The following FANCI variants were observed in gnomAD, a reference collection of about 807,000 sequenced individuals.
The protein encoded by FANCI is Fanconi anemia group I protein.
Under a neutral mutation model 176.1 loss-of-function variants are expected in FANCI, and 156 were observed. The observed-to-expected ratio is 0.89, with a 90% CI of 0.78 to 1.01. The LOEUF is 1.01. FANCI is among the 50% of genes least tolerant of loss of function. The pLI, the probability that FANCI is intolerant of heterozygous loss-of-function variation, is 0.00. For synonymous variants in FANCI, 613 were observed against 541.7 expected, an observed-to-expected ratio of 1.13 and a Z score of -1.83; for missense variants, 1,678 against 1,534.1, an observed-to-expected ratio of 1.09 and a Z score of -1.57.
At chr15:89,313,973 T>A (rs370736175) in intron 35 of FANCI, among the ~76,000 whole-genome samples, 502 of 97,742 alleles carry the variant, frequency 5.1e-3, no homozygotes, top group African/African-American at 7.4e-3. Flanking sequence ...AGATATATAA[T>A]CACACACACA....
chr15:89,250,077 G>A (rs2052170878), intron 2 of FANCI, among the ~76,000 whole-genome samples: 1 of 152,114 alleles, frequency 6.6e-6, no homozygotes, highest in Non-Finnish European at 1.5e-5. Context: ...AAAAAGCAAA[G>A]ACACTTTTAC....
intron 20 of FANCI, 49 bp from the exon 21 acceptor site, chr15:89,292,639 T>C: frequency 6.4e-7 from 1 of 1,567,674 alleles, no homozygotes; most frequent in Non-Finnish European, 8.7e-7. Flanking sequence ...ACTTTATAAG[T>C]TATCCATCAA....
At chr15:89,285,255 C>T in intron 18 of FANCI, 37 bp downstream of exon 18, 1 of 1,611,422 alleles carries the variant, frequency 6.2e-7, no homozygotes, top group Non-Finnish European at 8.5e-7. Flanking sequence ...AGCAAAACCC[C>T]AACTAATAAT....
chr15:89,266,538 A>G (rs1315951140), intron 9 of FANCI, among the ~76,000 whole-genome samples: 1 of 151,990 alleles, frequency 6.6e-6, no homozygotes, highest in African/African-American at 2.4e-5. Flanking sequence ...CATATTGGCC[A>G]GGCTGGTCTC....
At chr15:89,269,860 G>T (rs2053131847) in intron 10 of FANCI, among the ~76,000 whole-genome samples, 1 of 151,228 alleles carries the variant, frequency 6.6e-6, no homozygotes, top group South Asian at 2.1e-4. Flanking sequence ...ACCCAAGCTA[G>T]AGTGCCGTGG....
At chr15:89,254,625 G>A (rs573238846) in intron 2 of FANCI, among the ~76,000 whole-genome samples, 14 of 152,134 alleles carry the variant, frequency 9.2e-5, no homozygotes, top group Admixed American at 3.9e-4. Flanking sequence ...ACAACATAGT[G>A]AGAACCCACC....
intron 16 of FANCI, chr15:89,282,884 A>G (rs2053669105): frequency 2.1e-6 from 1 of 478,060 alleles, no homozygotes; most frequent in African/African-American, 2.0e-5. Flanking sequence ...CCTCACATAG[A>G]CTTGAGAGCA....
Position 89,300,367 on chromosome 15 carries a change from C to A in FANCI, c.2871C>A (p.Phe957Leu). 6.2e-7 allele frequency: 1 copy of A among 1,613,864 alleles called. No homozygotes were observed. Among genetic ancestry groups the A allele is most frequent in the Non-Finnish European group, 8.5e-7 (1 of 1,179,818 alleles). The change falls in exon 26 of 38, where the codon TTC becomes TTA. Residue 957 changes from phenylalanine (F) to leucine (L), a missense_variant. By Grantham distance (22) the Phe-to-Leu change is conservative. Around this residue, in one of 3 missense-constraint regions of FANCI, gnomAD observed 1,204 missense variants for 1,077.4 expected, o/e 1.12. Coordinates refer to ENST00000310775, the MANE Select transcript of FANCI (RefSeq NM_001113378.2). ...ADVSVTQRTA[F>L]QIRQFQRSLL... ...TCAGTGTCACTCAGAGAACAGCATT[C>A]CAGATCCGGCAATTTCAGGTGAGAA...
At chr15:89,277,072 C>T (rs1335793837) in intron 13 of FANCI, among the ~76,000 whole-genome samples, 181 bp downstream of exon 13, 1 of 152,204 alleles carries the variant, frequency 6.6e-6, no homozygotes, top group Non-Finnish European at 1.5e-5. Flanking sequence ...GGAATACTTA[C>T]TTACGTATTC....
intron 10 of FANCI, among the ~76,000 whole-genome samples, chr15:89,270,266 T>C (rs2053150272): frequency 6.6e-6 from 1 of 152,220 alleles, no homozygotes; most frequent in African/African-American, 2.4e-5. Context: ...AGGAACATAG[T>C]ATTAGCTACC....
At chr15:89,302,827 C>A (rs1357690515) in intron 27 of FANCI, among the ~76,000 whole-genome samples, 1 of 152,166 alleles carries the variant, frequency 6.6e-6, no homozygotes, top group Non-Finnish European at 1.5e-5. Context: ...CCCGCCTCGG[C>A]CTCCCAAAGT....
chr15:89,293,979 T>G lies in FANCI; in HGVS notation c.2438T>G (p.Leu813Arg). Residue 813 changes from leucine (L) to arginine (R), a missense_variant, in exon 23 of 38, where the codon CTT (leucine) becomes CGT (arginine). Physicochemically the swap from Leu to Arg is moderately radical, Grantham distance 102 (BLOSUM62 -2). This residue lies in a region of FANCI where 1,204 missense variants were observed against 1,077.4 expected (regional missense o/e 1.12). Transcript: ENST00000310775. ...TTGTCCATGAAATTTGTGTCCAGTC[T>G]TCTCACTGCTCTTTTCAGGTAAGGT... is the stretch of plus-strand genomic sequence containing the variant. ...SLLSMKFVSS[L>R]LTALFRDSIQ... 1 of 1,614,210 alleles carries G rather than the reference T, an allele frequency of 6.2e-7. No homozygotes were observed. Among genetic ancestry groups the G allele is most frequent in the Non-Finnish European group, 8.5e-7 (1 of 1,180,038 alleles).
intron 1 of FANCI, among the ~76,000 whole-genome samples, chr15:89,246,240 T>G (rs1339605135): frequency 2.0e-5 from 3 of 152,200 alleles, no homozygotes; most frequent in Non-Finnish European, 4.4e-5. Flanking sequence ...TCCCATCTTT[T>G]CTGTTCTCCA....
chr15:89,283,462 C>G (rs1438947942), intron 17 of FANCI, among the ~76,000 whole-genome samples: 4 of 152,112 alleles, frequency 2.6e-5, no homozygotes, highest in Admixed American at 6.6e-5. Flanking sequence ...ACTGTGCTAT[C>G]CAGTATGGTA....
chr15:89,290,289 A>G lies in FANCI; in HGVS notation c.1890+8A>G, dbSNP rs2054010809. 2 of 1,606,530 alleles carry G rather than the reference A, an allele frequency of 1.2e-6. No individual in the cohort carries two copies. The highest frequency in any genetic ancestry group is 1.3e-5 in the African/African-American group (1 of 74,940). ...CAAACTCTGCTCTCACAGGTAAAAT[A>G]CATTTTTATGGATATATGGAAAACA... On this transcript the variant is annotated splice_region_variant and intron_variant, in intron 19 of 37. Coordinates refer to ENST00000310775, the MANE Select transcript of FANCI (RefSeq NM_001113378.2).
chr15:89,316,828 C>T lies in FANCI; in HGVS notation c.*369C>T. The stretch of plus-strand genomic sequence containing the variant: ...ATCTGGTAAATATCCAGCGCTTCAC[C>T]TGAAAGATAGTGCAAATTGGTTAGG... On this transcript the variant is annotated 3_prime_UTR_variant, in exon 38 of 38. Coordinates refer to ENST00000310775, the MANE Select transcript of FANCI (RefSeq NM_001113378.2). 6.2e-7 allele frequency: 1 copy of T among 1,612,620 alleles called. No homozygotes were observed. Among genetic ancestry groups the T allele is most frequent in the Non-Finnish European group, 8.5e-7 (1 of 1,178,624 alleles).
In FANCI at chr15:89,316,393, C is replaced by CT. The variant is rs1567182484; in HGVS notation, c.3925-3dup. The stretch of plus-strand genomic sequence containing the variant: ...GTTAGAGCATTAATTCTTTCCCCTT[C>CT]TAGGGCACTGCATCAGAGCATGGGG... On this transcript the variant is annotated splice_region_variant and splice_polypyrimidine_tract_variant and intron_variant, in intron 37 of 37. Transcript: ENST00000310775. 1 of 1,610,996 alleles carries CT rather than the reference C, an allele frequency of 6.2e-7. No individual in the cohort carries two copies. The highest frequency in any genetic ancestry group is 8.5e-7 in the Non-Finnish European group (1 of 1,178,248).
At chr15:89,299,147 G>GT (rs1325726956) in intron 24 of FANCI, among the ~76,000 whole-genome samples, 1 of 149,466 alleles carries the variant, frequency 6.7e-6, no homozygotes, top group East Asian at 2.0e-4. Context: ...TCCAGCCTGG[G>GT]TGACAGAGTG....
chr15:89,260,744 TA>T lies in FANCI; in HGVS notation c.190del (p.Arg64GlyfsTer22). On this transcript the variant is annotated frameshift_variant, in exon 4 of 38. Coordinates refer to ENST00000310775, the MANE Select transcript of FANCI (RefSeq NM_001113378.2). LOFTEE classifies it high-confidence loss of function. Reference sequence around the variant, plus strand: ...CCTGCTCTGAGGAAGCTGGAACACTTAGGAGACGTAAGATATACACTTGTTG... The same window carrying T: ...CCTGCTCTGAGGAAGCTGGAACACTTGGAGACGTAAGATATACACTTGTTG... ...SPCSEEAGTLRRRKIYTCCIQ... is the reference protein window; with the variant it reads ...SPCSEEAGTLXRRKIYTCCIQ... The T allele has an allele frequency of 1.2e-6, 2 of 1,614,004 alleles. No individual in the cohort carries two copies. Among genetic ancestry groups the T allele is most frequent in the Non-Finnish European group, 8.5e-7 (1 of 1,179,922 alleles).
Sources: allele counts gnomAD v4.1 joint callset (sites outside exome capture counted in the v4.1 genomes callset), GRCh38; gene constraint gnomAD v4.1.1; regional missense constraint gnomAD v4.1.1; transcripts MANE v1.5; gene names NCBI Gene and HGNC (gene_info 2026-07-23, HGNC 2026-07-21).